Variants in STXBP6 observed in about 807,000 individuals in gnomAD.
STXBP6 encodes the protein syntaxin binding protein 6.
STXBP6 carries 21 observed loss-of-function variants against 26.9 expected under a neutral mutation model. The observed-to-expected ratio is 0.78, with a 90% CI of 0.55 to 1.12. STXBP6 has a LOEUF of 1.12. Among genes scored for constraint, STXBP6 ranks in the 50% most tolerant of loss-of-function variants. STXBP6 has a pLI of 0.00. For synonymous variants in STXBP6, 97 were observed against 92.6 expected (o/e 1.05, Z -0.27); for missense variants, 232 against 257.9 (o/e 0.90, Z 0.69).
At chr14:24,886,940 A>G (rs73591682) in intron 2 of STXBP6, among the ~76,000 whole-genome samples, 113 of 152,322 alleles carry the variant, frequency 7.4e-4, no homozygotes, top group African/African-American at 2.6e-3. Context: ...CTACTTTCTG[A>G]ACCCTCCCAA....
intron 1 of STXBP6, among the ~76,000 whole-genome samples, chr14:25,025,124 T>A (rs995242419): frequency 3.9e-5 from 6 of 152,148 alleles, no homozygotes; most frequent in African/African-American, 9.7e-5. Flanking sequence ...GAAATTTTGG[T>A]GTGTGGGATT....
At chr14:24,950,318 A>T (rs568083279) in intron 2 of STXBP6, among the ~76,000 whole-genome samples, 1 of 152,276 alleles carries the variant, frequency 6.6e-6, no homozygotes, top group Non-Finnish European at 1.5e-5. Context: ...CAACTTAGCA[A>T]TCATATTCCT....
intron 1 of STXBP6, among the ~76,000 whole-genome samples, chr14:25,004,911 G>C (rs369320813): frequency 6.6e-6 from 1 of 152,170 alleles, no homozygotes; most frequent in East Asian, 1.9e-4. Context: ...TCATCCATGA[G>C]CACTGACTCT....
chr14:24,896,514 T>C lies in STXBP6; in HGVS notation c.155-39357A>G, dbSNP rs116402984. ...TGAGAAAGAGAGAGGAACCCAGGAA[T>C]CTGCATTATAACAAGCAGCATTGCA... On this transcript the variant is annotated intron_variant, in intron 2 of 5. Transcript: ENST00000323944. Among the ~76,000 whole-genome samples the C allele has an allele frequency of 5.8e-3, 890 of 152,312 alleles. 4 individuals carry two copies. The highest frequency in any genetic ancestry group is 0.018 in the African/African-American group (763 of 41,552).
intron 1 of STXBP6, among the ~76,000 whole-genome samples, chr14:25,000,027 G>A (rs1039586146): frequency 6.6e-6 from 1 of 152,020 alleles, no homozygotes; most frequent in Admixed American, 6.6e-5. Flanking sequence ...ATTGGCCTGA[G>A]ATAATTTATT....
chr14:24,844,858 GA>G (rs1367879733), intron 4 of STXBP6, among the ~76,000 whole-genome samples: 1 of 152,090 alleles, frequency 6.6e-6, no homozygotes, highest in Non-Finnish European at 1.5e-5. Flanking sequence ...TATTAAAGCT[GA>G]AAAGGGAATT....
In STXBP6 at chr14:25,035,152, C is replaced by CAA. The variant is rs1168180231; in HGVS notation, c.-33+14724_-33+14725dup. Among the ~76,000 whole-genome samples the CAA allele has an allele frequency of 6.1e-3, 476 of 77,918 alleles. 1 individual carries two copies. Among genetic ancestry groups the CAA allele is most frequent in the African/African-American group, 0.019 (445 of 22,956 alleles). 51.1% of individuals were successfully genotyped at this position (77,918 alleles called of 152,430 possible). The stretch of plus-strand genomic sequence containing the variant: ...GGTGACAAGAGTGAGACTCTGTCTC[C>CAA]AAAAAAAAAAAAAAAAAATTCTCAT... On this transcript the variant is annotated intron_variant, in intron 1 of 5. Transcript: ENST00000323944.
intron 2 of STXBP6, among the ~76,000 whole-genome samples, chr14:24,894,197 C>T (rs2070892552): frequency 6.6e-6 from 1 of 152,130 alleles, no homozygotes; most frequent in African/African-American, 2.4e-5. Context: ...AGACAAAGAC[C>T]AATTTGGAAA....
intron 1 of STXBP6, among the ~76,000 whole-genome samples, chr14:24,994,502 G>T (rs1257834755): frequency 6.6e-6 from 1 of 152,054 alleles, no homozygotes; most frequent in Non-Finnish European, 1.5e-5. Flanking sequence ...CTTGTATATT[G>T]CCCCTAACCA....
chr14:24,816,702 C>T (rs2138701022), intron 5 of STXBP6: 1 of 152,232 alleles, frequency 6.6e-6, no homozygotes, highest in East Asian at 1.9e-4. Flanking sequence ...TAGTTTCTAT[C>T]CTGATGGGTC....
At chr14:24,882,145 C>T (rs530181630) in intron 2 of STXBP6, among the ~76,000 whole-genome samples, 11 of 151,298 alleles carry the variant, frequency 7.3e-5, no homozygotes, top group Admixed American at 1.3e-4. Context: ...TTTGGGAGGC[C>T]GAGGCGGGCG....
chr14:24,904,616 A>G (rs530611384), intron 2 of STXBP6, among the ~76,000 whole-genome samples: 21 of 152,298 alleles, frequency 1.4e-4, no homozygotes, highest in African/African-American at 5.1e-4. Flanking sequence ...TGGGGTCCTA[A>G]TCCAATAGGA....
At chr14:24,873,273 G>C (rs925084845) in intron 2 of STXBP6, among the ~76,000 whole-genome samples, 1 of 149,876 alleles carries the variant, frequency 6.7e-6, no homozygotes, top group African/African-American at 2.5e-5. Context: ...TCTTCTCAAC[G>C]GTTTTCAGGT....
chr14:24,926,999 T>C (rs941501885), intron 2 of STXBP6, among the ~76,000 whole-genome samples: 1 of 151,866 alleles, frequency 6.6e-6, no homozygotes, highest in Non-Finnish European at 1.5e-5. Flanking sequence ...TTTAAAACAA[T>C]GGGGTGAAAT....
intron 4 of STXBP6, among the ~76,000 whole-genome samples, chr14:24,828,477 A>G (rs987017573): frequency 2.0e-5 from 3 of 152,216 alleles, no homozygotes; most frequent in African/African-American, 7.2e-5. Context: ...AATTAGTAAA[A>G]AATATTAAAA....
At chr14:24,859,737 T>C (rs1188689079) in intron 2 of STXBP6, among the ~76,000 whole-genome samples, 2 of 152,302 alleles carry the variant, frequency 1.3e-5, no homozygotes, top group East Asian at 1.9e-4. Context: ...AGTCATTATT[T>C]TGAATGACTT....
intron 2 of STXBP6, 125 bp downstream of exon 2, chr14:24,974,540 G>T: frequency 1.3e-6 from 1 of 775,640 alleles, no homozygotes. Flanking sequence ...CAGAAAAACG[G>T]GGAAAAGGAG....
chr14:24,951,759 A>G (rs926513290), intron 2 of STXBP6, among the ~76,000 whole-genome samples: 3 of 152,088 alleles, frequency 2.0e-5, no homozygotes, highest in Non-Finnish European at 4.4e-5. Context: ...TTTTTGTACA[A>G]TAGCCAAACT....
At chr14:24,989,590 C>T (rs1280759819) in intron 1 of STXBP6, among the ~76,000 whole-genome samples, 1 of 152,142 alleles carries the variant, frequency 6.6e-6, no homozygotes, top group Non-Finnish European at 1.5e-5. Context: ...AAACAAATAC[C>T]AAGAATGTGA....
Sources: allele counts gnomAD v4.1 joint callset (sites outside exome capture counted in the v4.1 genomes callset), GRCh38; gene constraint gnomAD v4.1.1; transcripts MANE v1.5; gene names NCBI Gene and HGNC (gene_info 2026-07-23, HGNC 2026-07-21).